IL1RL2: variants seen among roughly 807,000 people sequenced by gnomAD.
IL1RL2 encodes the protein interleukin 1 receptor like 2.
Under a neutral mutation model 66.8 loss-of-function variants are expected in IL1RL2, and 68 were observed. That is an observed-to-expected ratio of 1.02 (90% CI 0.84 to 1.25). IL1RL2 has a LOEUF of 1.25. Ranked by LOEUF, IL1RL2 falls within the 50% of genes most tolerant of loss-of-function variation. IL1RL2 has a pLI of 0.00. For synonymous variants in IL1RL2, 305 were observed against 264.6 expected, an observed-to-expected ratio of 1.15 and a Z score of -1.48; for missense variants, 729 against 709.3, an observed-to-expected ratio of 1.03 and a Z score of -0.32.
At chr2:102,201,911 T>C (rs1289680147) in intron 5 of IL1RL2, among the ~76,000 whole-genome samples, 196 bp downstream of exon 5, 1 of 152,118 alleles carries the variant, frequency 6.6e-6, no homozygotes, top group African/African-American at 2.4e-5. Context: ...AGCAGCTTAG[T>C]TTCCTCTTCT....
chr2:102,234,464 A>T (rs6754556), intron 10 of IL1RL2, among the ~76,000 whole-genome samples: 44,345 of 151,836 alleles, frequency 0.29, 7,949 homozygotes, highest in African/African-American at 0.48. Flanking sequence ...CCAAAACTTG[A>T]ATTAATCCAT....
chr2:102,200,133 A>AG (rs1371024837), intron 4 of IL1RL2, among the ~76,000 whole-genome samples: 4 of 150,674 alleles, frequency 2.7e-5, no homozygotes, highest in Non-Finnish European at 5.9e-5. Flanking sequence ...AAAAAAAAAA[A>AG]AAAAAAGTGC....
chr2:102,215,797 A>T (rs1005928664), intron 6 of IL1RL2, among the ~76,000 whole-genome samples: 1 of 152,158 alleles, frequency 6.6e-6, no homozygotes, highest in African/African-American at 2.4e-5. Context: ...TGAAGACTAC[A>T]CTTCTGTCTC....
intron 11 of IL1RL2, among the ~76,000 whole-genome samples, chr2:102,238,886 C>A (rs1675095163): frequency 6.6e-6 from 1 of 152,172 alleles, no homozygotes. Flanking sequence ...ACCCTCATCT[C>A]CCAGGCTGTC....
chr2:102,228,286 G>A (rs1455611028), intron 9 of IL1RL2, among the ~76,000 whole-genome samples: 2 of 152,138 alleles, frequency 1.3e-5, no homozygotes, highest in Non-Finnish European at 2.9e-5. Flanking sequence ...TCCCCTTGAG[G>A]ATATTTTCTG....
chr2:102,234,326 G>A (rs966860579), intron 10 of IL1RL2, among the ~76,000 whole-genome samples: 2 of 152,094 alleles, frequency 1.3e-5, no homozygotes, highest in African/African-American at 4.8e-5. Context: ...ATACTTGTTG[G>A]CCAGGGAAAG....
Position 102,219,955 on chromosome 2 carries a change from A to G in IL1RL2, c.929A>G (p.Tyr310Cys). 1 of 1,613,916 alleles carries G rather than the reference A, an allele frequency of 6.2e-7. No homozygotes were observed. The highest frequency in any genetic ancestry group is 8.5e-7 in the Non-Finnish European group (1 of 1,179,816). ...ITFLEVKMED[Y>C]GLPFMCHAGV... ...TTCTTGGAAGTGAAAATGGAAGATT[A>G]TGGCCTTCCTTTCATGTGCCACGCT... is the stretch of plus-strand genomic sequence containing the variant. Residue 310 changes from tyrosine (Y) to cysteine (C), a missense_variant, in exon 8 of 12, where the codon TAT becomes TGT. Transcript: ENST00000264257.
chr2:102,222,351 T>C (rs72820175), intron 8 of IL1RL2, among the ~76,000 whole-genome samples: 42,646 of 152,064 alleles, frequency 0.28, 6,615 homozygotes, highest in East Asian at 0.39. Flanking sequence ...TTCCTGCTTG[T>C]GTGTCTGTGT....
rs769956358 is a variant in IL1RL2, at chr2:102,192,126, A to C, written c.489+6A>C. 1.3e-5 allele frequency: 20 copies of C among 1,543,174 alleles called. No homozygotes were observed. The South Asian group carries it at 2.5e-4, about 19-fold the overall frequency. ...GTCCAATAAAGTGGTATAAGGTAAAAAAGAATTTTCTTATTGATATTTTTC... is the reference window on the plus strand; with the variant it reads ...GTCCAATAAAGTGGTATAAGGTAAACAAGAATTTTCTTATTGATATTTTTC... On this transcript the variant is annotated splice_donor_region_variant and intron_variant, in intron 4 of 11. Transcript: ENST00000264257.
chr2:102,196,818 G>A (rs1558646), intron 4 of IL1RL2, among the ~76,000 whole-genome samples: 40,510 of 152,038 alleles, frequency 0.27, 6,347 homozygotes, highest in East Asian at 0.38. Flanking sequence ...TAGGGCACAT[G>A]TAGAAAGATG....
chr2:102,216,248 G>A (rs1689603206), intron 6 of IL1RL2, among the ~76,000 whole-genome samples: 1 of 152,154 alleles, frequency 6.6e-6, no homozygotes, highest in Non-Finnish European at 1.5e-5. Flanking sequence ...TGAAATAAAT[G>A]CAATTGAGAA....
At chr2:102,234,375 A>G (rs1674650458) in intron 10 of IL1RL2, among the ~76,000 whole-genome samples, 1 of 152,228 alleles carries the variant, frequency 6.6e-6, no homozygotes, top group Non-Finnish European at 1.5e-5. Flanking sequence ...ATGATTCATG[A>G]CTATAGAGGA....
intron 1 of IL1RL2, among the ~76,000 whole-genome samples, 191 bp from the exon 2 acceptor site, chr2:102,187,665 G>A (rs886534134): frequency 3.9e-5 from 6 of 152,190 alleles, no homozygotes; most frequent in Non-Finnish European, 5.9e-5. Flanking sequence ...CTGGTCGGGC[G>A]CCCAGACGAA....
At chr2:102,212,293 C>T in intron 6 of IL1RL2, 119 bp downstream of exon 6, 1 of 708,788 alleles carries the variant, frequency 1.4e-6, no homozygotes, top group Non-Finnish European at 2.4e-6. Flanking sequence ...ACCCAGTTTC[C>T]AGCTTTGGAT....
chr2:102,228,207 G>T (rs1375233844), intron 9 of IL1RL2, among the ~76,000 whole-genome samples: 1 of 152,232 alleles, frequency 6.6e-6, no homozygotes, highest in African/African-American at 2.4e-5. Context: ...ATATCTCTGT[G>T]TGTTGGCTTT....
chr2:102,209,903 G>A (rs2104793889), intron 5 of IL1RL2, among the ~76,000 whole-genome samples: 1 of 152,196 alleles, frequency 6.6e-6, no homozygotes, highest in African/African-American at 2.4e-5. Flanking sequence ...ACAAAGCTAG[G>A]TTCTGTGCCA....
intron 5 of IL1RL2, among the ~76,000 whole-genome samples, chr2:102,209,698 T>C (rs1057456900): frequency 1.3e-5 from 2 of 152,130 alleles, no homozygotes; most frequent in Non-Finnish European, 2.9e-5. Context: ...TGCAGAGTCA[T>C]TGGGCTGCAT....
At chr2:102,238,676 AG>A (rs1450986703) in intron 11 of IL1RL2, among the ~76,000 whole-genome samples, 2 of 152,170 alleles carry the variant, frequency 1.3e-5, no homozygotes, top group African/African-American at 2.4e-5. Context: ...TGAAGAACAG[AG>A]GCTGTTCCAG....
chr2:102,234,804 T>G, intron 10 of IL1RL2, 93 bp from the exon 11 acceptor site: 1 of 1,256,654 alleles, frequency 8.0e-7, no homozygotes, highest in Non-Finnish European at 1.1e-6. Context: ...AAAAGTCAAT[T>G]TTCTCCTGGC....
Sources: gnomAD v4.1 joint callset for allele counts (sites outside exome capture counted in the v4.1 genomes callset) on GRCh38, gnomAD v4.1.1 for gene constraint, MANE v1.5 for transcripts, NCBI Gene and HGNC (gene_info 2026-07-23, HGNC 2026-07-21) for gene names.